The following STXBP3 variants were observed in gnomAD, a reference collection of about 807,000 sequenced individuals.
STXBP3 encodes syntaxin-binding protein 3.
Under a neutral mutation model 85.7 loss-of-function variants are expected in STXBP3, and 41 were observed. That is an observed-to-expected ratio of 0.48 (90% confidence interval 0.37 to 0.62). The LOEUF is 0.62. Ranked by LOEUF, STXBP3 falls within the 20% of genes least tolerant of loss-of-function variation. The pLI, the probability that STXBP3 is intolerant of heterozygous loss-of-function variation, is 0.00. For synonymous variants in STXBP3, 229 were observed against 231.7 expected (o/e 0.99, Z 0.10); for missense variants, 563 against 703.1 (o/e 0.80, Z 2.25).
chr1:108,789,830 C>T (rs1662938298), intron 11 of STXBP3, among the ~76,000 whole-genome samples: 1 of 151,910 alleles, frequency 6.6e-6, no homozygotes, highest in Non-Finnish European at 1.5e-5. Context: ...CTTTGAGTGG[C>T]CAAGGCAGGC....
At chr1:108,805,869 G>T (rs1052678133) in intron 17 of STXBP3, among the ~76,000 whole-genome samples, 3 of 152,104 alleles carry the variant, frequency 2.0e-5, no homozygotes, top group African/African-American at 7.2e-5. Flanking sequence ...CGCAGCTGCT[G>T]CACTGTAGCC....
In STXBP3 at chr1:108,766,920, A is replaced by G. The variant is rs1662275844; in HGVS notation, c.439-5745A>G. 3 of 534,500 alleles carry G rather than the reference A, an allele frequency of 5.6e-6. No homozygotes were observed. In the Admixed American group the frequency reaches 5.9e-5, roughly 11 times the overall value. 33.1% of individuals were successfully genotyped at this position (534,500 alleles called of 1,614,324 possible). A position where few individuals can be genotyped will look rare whatever the true frequency, so the allele number is the denominator to read the frequency against. ...AGCACAAAAGAAACTGTAATATGGAACTGGGGAGGACTTCAGTGGCACTAT... is the reference window on the plus strand; with the variant it reads ...AGCACAAAAGAAACTGTAATATGGAGCTGGGGAGGACTTCAGTGGCACTAT... On this transcript the variant is annotated intron_variant, in intron 6 of 18. Transcript: ENST00000370008.
At chr1:108,776,571 A>C in intron 8 of STXBP3, 148 bp downstream of exon 8, 1 of 528,964 alleles carries the variant, frequency 1.9e-6, no homozygotes, top group East Asian at 3.1e-5. Context: ...ATTAACATAC[A>C]CAATCGTGCA....
At chr1:108,775,993 G>T (rs1416348730) in intron 7 of STXBP3, among the ~76,000 whole-genome samples, 1 of 151,746 alleles carries the variant, frequency 6.6e-6, no homozygotes, top group Non-Finnish European at 1.5e-5. Context: ...GAATACACAT[G>T]AAATTAATTA....
Position 108,782,485 on chromosome 1 carries a change from A to G in STXBP3, c.873A>G (p.Arg291=). 6.2e-7 allele frequency: 1 copy of G among 1,613,792 alleles called. No individual in the cohort carries two copies. The highest frequency in any genetic ancestry group is 8.5e-7 in the Non-Finnish European group (1 of 1,179,878). The part of the protein sequence containing the change: ...ILEEEDDLWV[R]IRHRHIAVVL... Reference sequence around the variant, plus strand: ...AAGAAGAAGATGACCTCTGGGTTAGAATTCGACATCGACATATTGCGGTTG... The same window carrying G: ...AAGAAGAAGATGACCTCTGGGTTAGGATTCGACATCGACATATTGCGGTTG... Residue 291 remains arginine, a synonymous_variant, in exon 10 of 19, where the codon AGA becomes AGG. Transcript: ENST00000370008.
chr1:108,761,575 T>C (rs1049948351), intron 6 of STXBP3, among the ~76,000 whole-genome samples: 2 of 152,192 alleles, frequency 1.3e-5, no homozygotes, highest in African/African-American at 4.8e-5. Context: ...AGTTTCTACT[T>C]ATCAGTCTTT....
intron 6 of STXBP3, among the ~76,000 whole-genome samples, chr1:108,765,591 T>TTTTTCC (rs796642937): frequency 1.8e-4 from 22 of 122,690 alleles, no homozygotes; most frequent in African/African-American, 6.6e-4. Context: ...TTTTTTTTTT[T>TTTTTCC]TGAGACGGAG....
At chr1:108,767,437 C>T (rs1557804181) in intron 6 of STXBP3, 3 of 199,102 alleles carry the variant, frequency 1.5e-5, no homozygotes, top group South Asian at 1.7e-4. Context: ...TGAGCTTTAT[C>T]ACAGGTGAAT....
intron 6 of STXBP3, among the ~76,000 whole-genome samples, chr1:108,771,388 A>G (rs1288790896): frequency 2.4e-4 from 27 of 113,208 alleles, no homozygotes; most frequent in African/African-American, 8.1e-4. Context: ...ATAATATATA[A>G]ATATATATGA....
At chr1:108,801,973 T>C (rs1663242306) in intron 17 of STXBP3, among the ~76,000 whole-genome samples, 1 of 152,066 alleles carries the variant, frequency 6.6e-6, no homozygotes, top group Admixed American at 6.5e-5. Context: ...CCAGCCCTTT[T>C]TTCCCTCATT....
chr1:108,800,094 A>G (rs1277239), intron 16 of STXBP3, 126 bp from the exon 17 acceptor site: 198,120 of 673,634 alleles, frequency 0.29, 35,659 homozygotes, highest in East Asian at 0.78. Flanking sequence ...CAAAGAAAAG[A>G]CTAATCTTAT....
intron 11 of STXBP3, among the ~76,000 whole-genome samples, chr1:108,784,155 C>G (rs752377913): frequency 2.0e-5 from 3 of 151,770 alleles, no homozygotes; most frequent in Non-Finnish European, 4.4e-5. Context: ...CTTGGCTTAC[C>G]CTGAGGTCAT....
chr1:108,807,523 C>T lies in STXBP3; in HGVS notation c.1658C>T (p.Ala553Val), dbSNP rs1170958271. 2 of 1,607,810 alleles carry T rather than the reference C, an allele frequency of 1.2e-6. No homozygotes were observed. Among genetic ancestry groups the T allele is most frequent in the Admixed American group, 3.4e-5 (2 of 59,000 alleles). The change falls in exon 18 of 19, where the codon GCA becomes GTA. Residue 553 changes from alanine (A) to valine (V), a missense_variant. Ala to Val is a moderately conservative substitution (Grantham distance 64). This residue lies in a region of STXBP3 where 494 missense variants were observed against 592.8 expected (regional missense o/e 0.83). Coordinates refer to ENST00000370008, the MANE Select transcript of STXBP3 (RefSeq NM_007269.4). ...CGTTGTGCTTATGAAGTTTCTCAGG[C>T]ACATAAATCCTGTGAAGTTATTATT... ...EVRCAYEVSQ[A>V]HKSCEVIIGS...
chr1:108,782,513 T>C lies in STXBP3; in HGVS notation c.901T>C (p.Leu301=), dbSNP rs775100405. 6.2e-7 allele frequency: 1 copy of C among 1,613,004 alleles called. No individual in the cohort carries two copies. Among genetic ancestry groups the C allele is most frequent in the Admixed American group, 1.7e-5 (1 of 59,888 alleles). ...TCGACATCGACATATTGCGGTTGTG[T>C]TAGAGTATGTGAACTCATTTTAATT... The part of the protein sequence containing the change: ...RIRHRHIAVV[L]EEIPKLMKEI... The change falls in exon 10 of 19, where the codon TTA becomes CTA. Residue 301 remains leucine, a synonymous_variant. Transcript: ENST00000370008.
In STXBP3 at chr1:108,793,657, AT is replaced by A; in HGVS notation, c.1029+12del. 1 of 1,605,018 alleles carries A rather than the reference AT, an allele frequency of 6.2e-7. No homozygotes were observed. Among genetic ancestry groups the A allele is most frequent in the Non-Finnish European group, 8.5e-7 (1 of 1,173,026 alleles). ...AAAACAGATTACTAAGGTAAGCAGT[AT>A]TGTATATGAGATACCTGATTAGTTT... is the stretch of plus-strand genomic sequence containing the variant. On this transcript the variant is annotated intron_variant, in intron 12 of 18. Transcript: ENST00000370008.
At chr1:108,779,039 CA>C in intron 8 of STXBP3, among the ~76,000 whole-genome samples, 1 of 152,160 alleles carries the variant, frequency 6.6e-6, no homozygotes, top group Non-Finnish European at 1.5e-5. Flanking sequence ...ACTCTAATTA[CA>C]AAAGTAATTA....
At chr1:108,756,588 A>G (rs1261645907) in intron 3 of STXBP3, 102 bp from the exon 4 acceptor site, 1 of 580,408 alleles carries the variant, frequency 1.7e-6, no homozygotes, top group Non-Finnish European at 2.7e-6. Context: ...TTGTAAATGT[A>G]TTTTCATATT....
intron 1 of STXBP3, 126 bp downstream of exon 1, chr1:108,746,912 T>A: frequency 1.1e-6 from 1 of 922,780 alleles, no homozygotes. Context: ...CTTTGGGACC[T>A]GTGTGAGGAC....
intron 11 of STXBP3, among the ~76,000 whole-genome samples, chr1:108,785,982 T>G (rs1273743613): frequency 6.6e-6 from 1 of 152,208 alleles, no homozygotes; most frequent in Non-Finnish European, 1.5e-5. Context: ...TTTTCCTGTC[T>G]TCTTCTGAGC....
Sources: allele counts gnomAD v4.1 joint callset (sites outside exome capture counted in the v4.1 genomes callset), GRCh38; gene constraint gnomAD v4.1.1; regional missense constraint gnomAD v4.1.1; transcripts MANE v1.5; gene names NCBI Gene and HGNC (gene_info 2026-07-23, HGNC 2026-07-21).